RERE: variants seen among roughly 807,000 people sequenced by gnomAD.
RERE encodes the protein arginine-glutamic acid dipeptide repeats, also known as arginine-glutamic acid dipeptide repeats protein.
In RERE, 40 loss-of-function variants were observed where a neutral mutation model predicts 146.1. The ratio of observed to expected loss-of-function variants is 0.27; its 90% CI spans 0.21 to 0.36. The LOEUF (loss-of-function observed/expected upper bound fraction) is 0.36, where lower values mean the gene tolerates loss of function less well. RERE is among the 10% of genes least tolerant of loss of function. RERE has a pLI of 1.00. For synonymous variants in RERE, 1,003 were observed against 866.0 expected, an observed-to-expected ratio of 1.16 and a Z score of -2.78; for missense variants, 1,933 against 2,138.7, an observed-to-expected ratio of 0.90 and a Z score of 1.90.
chr1:8,809,193 G>GAGGAACATCA (rs1641748097), intron 1 of RERE, among the ~76,000 whole-genome samples: 1 of 147,282 alleles, frequency 6.8e-6, no homozygotes, highest in Admixed American at 6.8e-5. Context: ...ATAGAATCAT[G>GAGGAACATCA]AGGAACATCA....
At chr1:8,369,508 T>TAAAAAAAAAAAAAAAAAAAA (rs1186718390) in intron 12 of RERE, among the ~76,000 whole-genome samples, 31 of 76,900 alleles carry the variant, frequency 4.0e-4, no homozygotes, top group African/African-American at 1.2e-3. Flanking sequence ...CGCCTTTTAC[T>TAAAAAAAAAAAAAAAAAAAA]AAAAAAAAAA....
intron 6 of RERE, among the ~76,000 whole-genome samples, chr1:8,555,601 C>T (rs1294197850): frequency 1.3e-5 from 2 of 152,090 alleles, no homozygotes; most frequent in Non-Finnish European, 2.9e-5. Context: ...AACCATATTA[C>T]AGTACTTAAC....
At chr1:8,449,813 A>G (rs761475950) in intron 11 of RERE, among the ~76,000 whole-genome samples, 1 of 152,256 alleles carries the variant, frequency 6.6e-6, no homozygotes, top group Non-Finnish European at 1.5e-5. Flanking sequence ...TTGAATTGCT[A>G]GAAAAATATA....
At chr1:8,511,517 G>A (rs555442450) in intron 7 of RERE, among the ~76,000 whole-genome samples, 1 of 152,206 alleles carries the variant, frequency 6.6e-6, no homozygotes, top group Non-Finnish European at 1.5e-5. Flanking sequence ...AAGAGTTACA[G>A]AATATAGAAT....
intron 1 of RERE, among the ~76,000 whole-genome samples, chr1:8,771,796 G>C (rs1369317898): frequency 2.0e-5 from 3 of 150,806 alleles, no homozygotes; most frequent in African/African-American, 7.3e-5. Context: ...TGTAGTCCCA[G>C]CTACTCGGGA....
At chr1:8,647,049 G>A (rs571827420) in intron 2 of RERE, among the ~76,000 whole-genome samples, 1 of 152,286 alleles carries the variant, frequency 6.6e-6, no homozygotes, top group Admixed American at 6.5e-5. Context: ...TCATGCCATA[G>A]CACACCATCC....
chr1:8,786,230 G>A, intron 1 of RERE: 2 of 930,890 alleles, frequency 2.1e-6, no homozygotes, highest in South Asian at 2.6e-5. Flanking sequence ...TGTGGATCTG[G>A]TCCTCCCTGT....
intron 2 of RERE, among the ~76,000 whole-genome samples, chr1:8,642,350 A>G (rs1647191783): frequency 6.6e-6 from 1 of 152,210 alleles, no homozygotes. Context: ...GCAGTGGGGT[A>G]CTAGATTATG....
intron 1 of RERE, among the ~76,000 whole-genome samples, chr1:8,732,713 T>C (rs567888338): frequency 1.3e-5 from 2 of 151,972 alleles, no homozygotes; most frequent in African/African-American, 2.4e-5. Flanking sequence ...GCCACACTCA[T>C]GCAAGATGTT....
chr1:8,603,939 A>AAAAAT (rs1491395136), intron 4 of RERE, among the ~76,000 whole-genome samples: 1 of 5,772 alleles, frequency 1.7e-4, no homozygotes, highest in Non-Finnish European at 3.6e-4. Context: ...ACCCTGTCTC[A>AAAAAT]AAAAAAAAAA....
At chr1:8,610,209 C>T (rs558691130) in intron 4 of RERE, among the ~76,000 whole-genome samples, 1 of 152,290 alleles carries the variant, frequency 6.6e-6, no homozygotes, top group Non-Finnish European at 1.5e-5. Context: ...GAAAAATGTA[C>T]ATATATAGAA....
chr1:8,703,538 T>G (rs1275166370), intron 1 of RERE, among the ~76,000 whole-genome samples: 2 of 152,150 alleles, frequency 1.3e-5, no homozygotes, highest in African/African-American at 2.4e-5. Flanking sequence ...CAATGCCAGC[T>G]GCAATTTTAT....
At chr1:8,808,147 C>CAAAA (rs778069782) in intron 1 of RERE, among the ~76,000 whole-genome samples, 3 of 53,134 alleles carry the variant, frequency 5.6e-5, no homozygotes, top group African/African-American at 1.9e-4. Context: ...GACCTTGTCT[C>CAAAA]AAAAAAAAAA....
chr1:8,357,513 G>T (rs1641343125), intron 20 of RERE, among the ~76,000 whole-genome samples: 1 of 152,172 alleles, frequency 6.6e-6, no homozygotes, highest in Non-Finnish European at 1.5e-5. Flanking sequence ...TGTCCCACAG[G>T]ACCTGTACTC....
chr1:8,456,423 T>A (rs80326932), intron 11 of RERE, among the ~76,000 whole-genome samples: 3 of 152,172 alleles, frequency 2.0e-5, no homozygotes, highest in Non-Finnish European at 4.4e-5. Context: ...ACTTATGTAG[T>A]AAATATTGTC....
rs748792090 is a variant in RERE at position 8,656,336 on chromosome 1, G to T, written c.-39C>A. 6.3e-7 allele frequency: 1 copy of T among 1,581,614 alleles called. No individual in the cohort carries two copies. The highest frequency in any genetic ancestry group is 1.8e-5 in the Admixed American group (1 of 56,218). ...CCTTCTTCTGTCCTCTCACGGCTAG[G>T]CCTCCGTGAAAGGTAGACAGTAAGC... On this transcript the variant is annotated 5_prime_UTR_variant, in exon 2 of 23. Coordinates refer to ENST00000400908, the MANE Select transcript of RERE (RefSeq NM_001042681.2).
chr1:8,505,417 G>A (rs1300656743), intron 8 of RERE, among the ~76,000 whole-genome samples: 4 of 152,196 alleles, frequency 2.6e-5, no homozygotes, highest in Non-Finnish European at 4.4e-5. Flanking sequence ...GTGTGAGGGG[G>A]AATAAATGAA....
rs374894959 is a variant in RERE at position 8,375,460 on chromosome 1, C to G, written c.1285-9486G>C. Among the ~76,000 whole-genome samples the G allele has an allele frequency of 7.2e-5, 11 of 152,374 alleles. No individual in the cohort carries two copies. In the East Asian group the frequency reaches 2.1e-3, roughly 29 times the overall value. ...TCCACATGCCGATGTTTGGAAGTGG[C>G]TGCTCTGAAGGTGAGTATCATGGAA... On this transcript the variant is annotated intron_variant, in intron 12 of 22. Transcript: ENST00000400908.
chr1:8,630,404 T>TA (rs544501588), intron 2 of RERE, among the ~76,000 whole-genome samples: 16 of 148,516 alleles, frequency 1.1e-4, no homozygotes, highest in South Asian at 8.6e-4. Context: ...AGACATGGTT[T>TA]AAAAAAAAAA....
Sources: allele counts gnomAD v4.1 joint callset (sites outside exome capture counted in the v4.1 genomes callset), GRCh38; gene constraint gnomAD v4.1.1; transcripts MANE v1.5; gene names NCBI Gene and HGNC (gene_info 2026-07-23, HGNC 2026-07-21).